PXDNL: variants seen among roughly 807,000 people sequenced by gnomAD.
PXDNL encodes the protein probable oxidoreductase PXDNL.
A neutral mutation model predicts 150.8 loss-of-function variants in PXDNL; 145 were observed. That is an observed-to-expected ratio of 0.96 (90% confidence interval 0.84 to 1.10). The LOEUF is 1.10. Ranked by LOEUF, PXDNL falls within the 50% of genes least tolerant of loss-of-function variation. The pLI, the probability that PXDNL is intolerant of heterozygous loss-of-function variation, is 0.00. For synonymous variants in PXDNL, 757 were observed against 725.7 expected, an observed-to-expected ratio of 1.04 and a Z score of -0.69; for missense variants, 2,087 against 1,873.9, an observed-to-expected ratio of 1.11 and a Z score of -2.10.
At chr8:51,547,899 G>T (rs573849694) in intron 4 of PXDNL, among the ~76,000 whole-genome samples, 57 of 152,210 alleles carry the variant, frequency 3.7e-4, no homozygotes, top group African/African-American at 1.4e-3. Flanking sequence ...GCTACTCAGG[G>T]AAGCATCAGA....
chr8:51,602,393 T>A (rs1420772259), intron 2 of PXDNL, among the ~76,000 whole-genome samples: 3 of 152,084 alleles, frequency 2.0e-5, no homozygotes, highest in Admixed American at 1.3e-4. Flanking sequence ...CTTCCTTTTT[T>A]TTAAATCAGA....
chr8:51,581,853 TGATGGGA>T (rs1397147251), intron 3 of PXDNL, among the ~76,000 whole-genome samples: 1 of 152,176 alleles, frequency 6.6e-6, no homozygotes, highest in East Asian at 1.9e-4. Flanking sequence ...CCTCAGCTTT[TGATGGGA>T]GATGTTTCAT....
At chr8:51,598,842 A>T (rs2130673355) in intron 2 of PXDNL, among the ~76,000 whole-genome samples, 1 of 152,268 alleles carries the variant, frequency 6.6e-6, no homozygotes, top group East Asian at 1.9e-4. Flanking sequence ...ATCTGGTAGC[A>T]TTCGGCTGTG....
At chr8:51,452,231 C>T (rs1490967786) in intron 10 of PXDNL, among the ~76,000 whole-genome samples, 1 of 152,204 alleles carries the variant, frequency 6.6e-6, no homozygotes, top group Non-Finnish European at 1.5e-5. Context: ...AAAACCCAAA[C>T]ACAGTTTCTT....
intron 12 of PXDNL, among the ~76,000 whole-genome samples, chr8:51,428,836 T>G (rs892082478): frequency 1.3e-5 from 2 of 152,006 alleles, no homozygotes; most frequent in Non-Finnish European, 2.9e-5. Flanking sequence ...AGAAAAAAAA[T>G]GATAATCAGG....
At position 51,320,750 on chromosome 8, in the gene PXDNL, T is replaced by A. The variant is rs2304552; in HGVS notation, c.4260+34A>T. On this transcript the variant is annotated intron_variant, in intron 22 of 22. Transcript: ENST00000356297. ...TTCAACTGGCTGGCTAGAAGTGAAA[T>A]GGGGAGTTGGACTGGAAAACTCGCA... is the stretch of plus-strand genomic sequence containing the variant. The A allele has an allele frequency of 9.2e-5, 137 of 1,485,188 alleles. No homozygotes were observed. In the African/African-American group the frequency reaches 1.7e-3, roughly 19 times the overall value. 92.0% of individuals were successfully genotyped at this position (1,485,188 alleles called of 1,614,324 possible).
chr8:51,483,799 C>A, intron 5 of PXDNL, 85 bp from the exon 6 acceptor site: 1 of 758,612 alleles, frequency 1.3e-6, no homozygotes, highest in Non-Finnish European at 2.2e-6. Context: ...AACTGTGAAT[C>A]CAATACCTTT....
intron 1 of PXDNL, among the ~76,000 whole-genome samples, chr8:51,695,536 T>C (rs1420476942): frequency 6.6e-6 from 1 of 152,094 alleles, no homozygotes; most frequent in Non-Finnish European, 1.5e-5. Context: ...GTTTTGGTCT[T>C]GGTGTCATAA....
chr8:51,621,245 G>A (rs1479646512), intron 2 of PXDNL, among the ~76,000 whole-genome samples: 1 of 152,064 alleles, frequency 6.6e-6, no homozygotes, highest in African/African-American at 2.4e-5. Flanking sequence ...GTAGATTCTA[G>A]AATAGTGGTT....
chr8:51,802,608 CTG>C (rs1381358314), intron 1 of PXDNL, among the ~76,000 whole-genome samples: 1 of 152,214 alleles, frequency 6.6e-6, no homozygotes, highest in African/African-American at 2.4e-5. Flanking sequence ...GACAATAAAA[CTG>C]TGCTGTGTCA....
intron 14 of PXDNL, among the ~76,000 whole-genome samples, chr8:51,413,717 A>G (rs1027368152): frequency 2.0e-5 from 3 of 151,848 alleles, no homozygotes; most frequent in Admixed American, 1.3e-4. Flanking sequence ...GGGAAAATTA[A>G]TTTATGCTTT....
Position 51,371,854 on chromosome 8 carries a change from T to C in PXDNL, c.3901+19A>G. The C allele has an allele frequency of 6.3e-7, 1 of 1,597,370 alleles. No homozygotes were observed. The highest frequency in any genetic ancestry group is 8.6e-7 in the Non-Finnish European group (1 of 1,165,720). ...ACATGCACATCAATCCAGATCGTGCTCATTGCATTATTACTGACCTGCACA... is the reference window on the plus strand; with the variant it reads ...ACATGCACATCAATCCAGATCGTGCCCATTGCATTATTACTGACCTGCACA... On this transcript the variant is annotated intron_variant, in intron 19 of 22. Coordinates refer to ENST00000356297, the MANE Select transcript of PXDNL (RefSeq NM_144651.5).
At chr8:51,553,740 T>TATATA (rs1812542163) in intron 4 of PXDNL, among the ~76,000 whole-genome samples, 17 of 112,948 alleles carry the variant, frequency 1.5e-4, no homozygotes, top group Admixed American at 7.5e-4. Flanking sequence ...GTGAGGGATT[T>TATATA]TATATATATA....
intron 1 of PXDNL, among the ~76,000 whole-genome samples, chr8:51,745,787 C>T (rs576376949): frequency 1.4e-5 from 2 of 146,822 alleles, no homozygotes; most frequent in Admixed American, 1.4e-4. Flanking sequence ...GATGTAGTCT[C>T]ACTCTGTCGC....
intron 20 of PXDNL, among the ~76,000 whole-genome samples, chr8:51,341,176 T>C (rs769166024): frequency 3.9e-5 from 6 of 152,178 alleles, no homozygotes; most frequent in Non-Finnish European, 5.9e-5. Context: ...AGCAGAACAG[T>C]TGGCAAAGAA....
At chr8:51,797,233 A>G (rs1014473172) in intron 1 of PXDNL, among the ~76,000 whole-genome samples, 2 of 152,224 alleles carry the variant, frequency 1.3e-5, no homozygotes, top group Admixed American at 6.5e-5. Context: ...AATGGGCAAA[A>G]GCTAGAAGCA....
rs534513458 is a variant in PXDNL, at chr8:51,382,058, C to T, written c.3558-7327G>A. Among the ~76,000 whole-genome samples the T allele has an allele frequency of 1.1e-3, 172 of 152,164 alleles. 1 individual carries two copies. The highest frequency in any genetic ancestry group is 4.1e-3 in the African/African-American group (169 of 41,520). On this transcript the variant is annotated intron_variant, in intron 17 of 22. Transcript: ENST00000356297. ...TCACCATGTTAACCCAGGATGGTCTCGATCTCCTGACCTTGTGATCTGCCC... is the reference window on the plus strand; with the variant it reads ...TCACCATGTTAACCCAGGATGGTCTTGATCTCCTGACCTTGTGATCTGCCC...
At chr8:51,714,719 C>T (rs555537531) in intron 1 of PXDNL, among the ~76,000 whole-genome samples, 1 of 152,218 alleles carries the variant, frequency 6.6e-6, no homozygotes, top group East Asian at 1.9e-4. Flanking sequence ...GTATTTGTTC[C>T]ATTGCACCAT....
At chr8:51,625,158 G>A (rs1814338829) in intron 2 of PXDNL, among the ~76,000 whole-genome samples, 1 of 152,082 alleles carries the variant, frequency 6.6e-6, no homozygotes, top group African/African-American at 2.4e-5. Flanking sequence ...AGAGTGAAAG[G>A]TCACTGCACA....
Sources: gnomAD v4.1 joint callset for allele counts (sites outside exome capture counted in the v4.1 genomes callset) on GRCh38, gnomAD v4.1.1 for gene constraint, MANE v1.5 for transcripts, NCBI Gene and HGNC (gene_info 2026-07-23, HGNC 2026-07-21) for gene names.